Variants in PTPRJ observed in about 807,000 individuals in gnomAD.
PTPRJ encodes protein tyrosine phosphatase receptor type J.
A neutral mutation model predicts 141.3 loss-of-function variants in PTPRJ; 129 were observed. The ratio of observed to expected loss-of-function variants is 0.91; its 90% CI spans 0.79 to 1.06. The LOEUF is 1.06. Among genes scored for constraint, PTPRJ ranks in the 50% least tolerant of loss-of-function variants. The pLI, the probability that PTPRJ is intolerant of heterozygous loss-of-function variation, is 0.00. For missense variants in PTPRJ, 1,601 were observed against 1,679.7 expected (o/e 0.95, Z 0.82); for synonymous variants, 610 against 640.5 (o/e 0.95, Z 0.72).
At chr11:48,017,297 G>A (rs562895803) in intron 1 of PTPRJ, among the ~76,000 whole-genome samples, 1 of 152,246 alleles carries the variant, frequency 6.6e-6, no homozygotes, top group African/African-American at 2.4e-5. Flanking sequence ...AGGAAGTTGG[G>A]TGTGGGTAGG....
At chr11:48,113,028 G>A (rs756470427) in intron 3 of PTPRJ, 45 bp downstream of exon 3, 21 of 1,449,734 alleles carry the variant, frequency 1.4e-5, no homozygotes, top group Middle Eastern at 3.6e-4. Context: ...AAAGGAAATC[G>A]GTAGAATTTA....
chr11:48,117,356 C>T (rs1565310953), intron 3 of PTPRJ, among the ~76,000 whole-genome samples: 1 of 151,834 alleles, frequency 6.6e-6, no homozygotes, highest in Non-Finnish European at 1.5e-5. Flanking sequence ...GCCTGGCCAA[C>T]ATGGTGAAAC....
Position 47,980,682 on chromosome 11 carries a change from AC to A in PTPRJ, c.-230del. ...CCGCGAAGCCCCTGCGCGCTCAGGGACGCGGCCCCCCCGCGGCAGCCGCGCT... is the reference window on the plus strand; with the variant it reads ...CCGCGAAGCCCCTGCGCGCTCAGGGAGCGGCCCCCCCGCGGCAGCCGCGCT... On this transcript the variant is annotated 5_prime_UTR_variant, in exon 1 of 25. Transcript: ENST00000418331. 1 of 988,338 alleles carries A rather than the reference AC, an allele frequency of 1.0e-6. No homozygotes were observed. Among genetic ancestry groups the A allele is most frequent in the Non-Finnish European group, 1.2e-6 (1 of 833,466 alleles). 61.2% of individuals were successfully genotyped at this position (988,338 alleles called of 1,614,324 possible).
At chr11:48,034,582 A>T (rs1453245416) in intron 1 of PTPRJ, among the ~76,000 whole-genome samples, 2 of 152,218 alleles carry the variant, frequency 1.3e-5, no homozygotes, top group African/African-American at 4.8e-5. Context: ...ACTCACTTGC[A>T]TATACTGTAT....
chr11:48,009,922 A>G (rs1268662967), intron 1 of PTPRJ, among the ~76,000 whole-genome samples: 1 of 152,212 alleles, frequency 6.6e-6, no homozygotes, highest in African/African-American at 2.4e-5. Context: ...TAAGCCATCA[A>G]GGCCCCCCAT....
At chr11:48,160,183 A>G in intron 22 of PTPRJ, 134 bp downstream of exon 22, 1 of 1,276,236 alleles carries the variant, frequency 7.8e-7, no homozygotes, top group Non-Finnish European at 1.1e-6. Flanking sequence ...TCCTTTCAGA[A>G]CAGAACAATC....
Position 48,163,434 on chromosome 11 carries a change from C to G in PTPRJ, c.3559-24C>G, listed in dbSNP as rs1367658452. 1.9e-6 allele frequency: 3 copies of G among 1,610,008 alleles called. No homozygotes were observed. In the East Asian group the frequency reaches 6.7e-5, roughly 36 times the overall value. On this transcript the variant is annotated intron_variant, in intron 22 of 24. Coordinates refer to ENST00000418331, the MANE Select transcript of PTPRJ (RefSeq NM_002843.4). ...TGTTAGGCAGCCTTTCTGTCTGGAT[C>G]TAAATCATTTTCTGGGCTTTTAGAT...
Position 48,145,053 on chromosome 11 carries a change from T to A in PTPRJ, c.2840T>A (p.Leu947His). The change falls in exon 14 of 25, where the codon CTC (leucine) becomes CAC (histidine). Residue 947 changes from leucine to histidine, a missense_variant. Leu to His is a moderately conservative substitution (Grantham distance 99, BLOSUM62 -3). Coordinates refer to ENST00000418331, the MANE Select transcript of PTPRJ (RefSeq NM_002843.4). ...NITFHPQNKG[L>H]IDGAESYVSF... ...ACCTTCCACCCTCAAAACAAGGGGC[T>A]CATTGATGGGGCTGAGAGCTATGTG... 6.2e-7 allele frequency: 1 copy of A among 1,614,190 alleles called. No individual in the cohort carries two copies. The highest frequency in any genetic ancestry group is 8.5e-7 in the Non-Finnish European group (1 of 1,180,034).
intron 22 of PTPRJ, among the ~76,000 whole-genome samples, chr11:48,161,985 G>T (rs1425963152): frequency 6.6e-6 from 1 of 151,898 alleles, no homozygotes; most frequent in African/African-American, 2.4e-5. Context: ...CACTGCTTGG[G>T]GCTTACCTTG....
chr11:47,981,712 G>A (rs1853914027), intron 1 of PTPRJ, among the ~76,000 whole-genome samples: 1 of 147,404 alleles, frequency 6.8e-6, no homozygotes, highest in Non-Finnish European at 1.5e-5. Flanking sequence ...TCACTTTTCA[G>A]ATAATGCTGT....
chr11:48,146,273 C>A (rs1272218184), intron 14 of PTPRJ, among the ~76,000 whole-genome samples: 1 of 152,216 alleles, frequency 6.6e-6, no homozygotes, highest in African/African-American at 2.4e-5. Context: ...TCACATAGAC[C>A]TAGGTGATAC....
Position 48,123,792 on chromosome 11 carries a change from G to T in PTPRJ, c.796G>T (p.Val266Phe), listed in dbSNP as rs571092063. 1 of 1,614,054 alleles carries T rather than the reference G, an allele frequency of 6.2e-7. No homozygotes were observed. Among genetic ancestry groups the T allele is most frequent in the Non-Finnish European group, 8.5e-7 (1 of 1,179,986 alleles). Residue 266 changes from valine to phenylalanine, a missense_variant, in exon 5 of 25, where the codon GTT becomes TTT. Physicochemically the swap from Val to Phe is conservative, Grantham distance 50 (BLOSUM62 -1). Coordinates refer to ENST00000418331, the MANE Select transcript of PTPRJ (RefSeq NM_002843.4). The part of the protein sequence containing the change: ...QVNISGLKPG[V>F]QYNINPYLLQ... Reference sequence around the variant, plus strand: ...CAATATCTCGGGCCTGAAGCCAGGGGTTCAATACAACATCAACCCGTATCT... The same window carrying T: ...CAATATCTCGGGCCTGAAGCCAGGGTTTCAATACAACATCAACCCGTATCT...
chr11:48,134,623 C>T (rs1283604987), intron 8 of PTPRJ, among the ~76,000 whole-genome samples: 1 of 152,186 alleles, frequency 6.6e-6, no homozygotes. Context: ...GCAGTGAAAG[C>T]ATTTCCCTTT....
intron 1 of PTPRJ, among the ~76,000 whole-genome samples, chr11:48,042,542 G>C (rs12281120): frequency 0.07 from 10,653 of 152,180 alleles, 1,210 homozygotes; most frequent in African/African-American, 0.24. Context: ...AATTACATGA[G>C]TAATTTTAGC....
At chr11:48,083,604 A>C (rs1220879494) in intron 1 of PTPRJ, among the ~76,000 whole-genome samples, 2 of 152,314 alleles carry the variant, frequency 1.3e-5, no homozygotes, top group Non-Finnish European at 2.9e-5. Flanking sequence ...ACCTGACATT[A>C]TAGTGTAAGT....
intron 1 of PTPRJ, among the ~76,000 whole-genome samples, chr11:48,049,817 G>T (rs1590439801): frequency 6.6e-6 from 1 of 152,146 alleles, no homozygotes; most frequent in Admixed American, 6.5e-5. Context: ...TTGACAGTGG[G>T]CTTAATGTGG....
chr11:48,102,096 A>C (rs557471458), intron 1 of PTPRJ, among the ~76,000 whole-genome samples: 2 of 152,330 alleles, frequency 1.3e-5, no homozygotes, highest in African/African-American at 4.8e-5. Flanking sequence ...ACAAACACCA[A>C]TGTCTTCAGG....
At chr11:48,133,538 T>G (rs2134355676) in intron 8 of PTPRJ, among the ~76,000 whole-genome samples, 1 of 152,252 alleles carries the variant, frequency 6.6e-6, no homozygotes, top group Middle Eastern at 3.4e-3. Flanking sequence ...AAAAGTCAGC[T>G]TAACAGCATT....
At chr11:48,140,956 G>A (rs1177389140) in intron 11 of PTPRJ, among the ~76,000 whole-genome samples, 1 of 152,192 alleles carries the variant, frequency 6.6e-6, no homozygotes, top group Non-Finnish European at 1.5e-5. Context: ...TGTGGCTAGA[G>A]GGCTGCTGTA....
Sources: allele counts gnomAD v4.1 joint callset (sites outside exome capture counted in the v4.1 genomes callset), GRCh38; gene constraint gnomAD v4.1.1; transcripts MANE v1.5; gene names NCBI Gene and HGNC (gene_info 2026-07-23, HGNC 2026-07-21).